QTMAN: variants seen among roughly 807,000 people sequenced by gnomAD.
QTMAN encodes tRNA-queuosine alpha-mannosyltransferase.
chr2:144,201,134 T>C, the QTMAN span, among the ~76,000 whole-genome samples: 1 of 152,120 alleles, frequency 6.6e-6, no homozygotes, highest in Admixed American at 6.6e-5. Flanking sequence ...ACAGGTTATA[T>C]AAAATGTTAT....
At chr2:144,255,763 C>G in the QTMAN span, among the ~76,000 whole-genome samples, 1 of 152,180 alleles carries the variant, frequency 6.6e-6, no homozygotes. Context: ...TTGTATGATA[C>G]CACAAGGGTG....
chr2:144,146,159 A>G, the QTMAN span, among the ~76,000 whole-genome samples: 2 of 149,902 alleles, frequency 1.3e-5, no homozygotes, highest in Admixed American at 6.7e-5. Flanking sequence ...CTGAAATTCA[A>G]TGTATGAGCA....
chr2:144,228,860 A>C, the QTMAN span, among the ~76,000 whole-genome samples: 2 of 152,256 alleles, frequency 1.3e-5, no homozygotes, highest in African/African-American at 4.8e-5. Flanking sequence ...CATGAGGCTG[A>C]GTCAAGAGAA....
chr2:144,061,792 C>T, the QTMAN span, among the ~76,000 whole-genome samples: 22 of 152,200 alleles, frequency 1.4e-4, no homozygotes, highest in African/African-American at 5.1e-4. Flanking sequence ...CATATAAACC[C>T]CAAACCCCAG....
At chr2:144,202,399 T>A in the QTMAN span, among the ~76,000 whole-genome samples, 3 of 152,190 alleles carry the variant, frequency 2.0e-5, no homozygotes, top group Non-Finnish European at 4.4e-5. Context: ...ATTAAATACA[T>A]CTTTTATTTT....
chr2:144,181,199 A>G, the QTMAN span, among the ~76,000 whole-genome samples: 1 of 152,218 alleles, frequency 6.6e-6, no homozygotes, highest in Non-Finnish European at 1.5e-5. Context: ...CTGCAACAGG[A>G]GTCCAGCTTA....
chr2:144,084,562 C>A, the QTMAN span, among the ~76,000 whole-genome samples: 4 of 152,182 alleles, frequency 2.6e-5, no homozygotes, highest in African/African-American at 9.7e-5. Flanking sequence ...TGAATCAGAA[C>A]CCATGATGCT....
At chr2:144,101,360 C>T in the QTMAN span, among the ~76,000 whole-genome samples, 2 of 151,274 alleles carry the variant, frequency 1.3e-5, no homozygotes, top group Non-Finnish European at 2.9e-5. Context: ...CAGTAATATC[C>T]AACATATTTA....
chr2:144,125,232 G>T, the QTMAN span, among the ~76,000 whole-genome samples: 3 of 151,866 alleles, frequency 2.0e-5, no homozygotes, highest in African/African-American at 7.3e-5. Flanking sequence ...TTTTTTAAAA[G>T]AAGGCTTTTT....
At chr2:143,979,642 T>C in the QTMAN span, among the ~76,000 whole-genome samples, 2 of 152,336 alleles carry the variant, frequency 1.3e-5, no homozygotes, top group East Asian at 3.9e-4. Context: ...CCTCATTTTA[T>C]AAACGAGATC....
At chr2:144,307,159 T>TAAAAAA in the QTMAN span, among the ~76,000 whole-genome samples, 1 of 40,466 alleles carries the variant, frequency 2.5e-5, no homozygotes, top group Non-Finnish European at 4.0e-5. Context: ...GACTCCGTCT[T>TAAAAAA]AAAAAAAAAA....
the QTMAN span, chr2:143,944,099 G>A: frequency 1.3e-5 from 2 of 152,170 alleles, no homozygotes; most frequent in Admixed American, 6.5e-5. Flanking sequence ...TGATGGGGGT[G>A]GTTGATAAGG....
the QTMAN span, among the ~76,000 whole-genome samples, chr2:144,123,892 G>A: frequency 6.6e-6 from 1 of 152,002 alleles, no homozygotes; most frequent in Admixed American, 6.6e-5. Flanking sequence ...CAAAGATATA[G>A]GATCTAGAAT....
chr2:143,948,026 CA>C, the QTMAN span, among the ~76,000 whole-genome samples: 1 of 152,064 alleles, frequency 6.6e-6, no homozygotes, highest in South Asian at 2.1e-4. Flanking sequence ...ACATCACAAA[CA>C]TTTCATGTTT....
At chr2:144,094,167 T>A in the QTMAN span, among the ~76,000 whole-genome samples, 1 of 152,178 alleles carries the variant, frequency 6.6e-6, no homozygotes, top group Non-Finnish European at 1.5e-5. Context: ...TTTGGTTTAG[T>A]TTTTCAAAAA....
chr2:144,293,926 T>A, the QTMAN span, among the ~76,000 whole-genome samples: 107 of 152,338 alleles, frequency 7.0e-4, no homozygotes, highest in African/African-American at 2.5e-3. Context: ...CATCTCTTAA[T>A]GGACTACACA....
chr2:144,141,939 A>T, the QTMAN span: 2 of 1,611,792 alleles, frequency 1.2e-6, no homozygotes, highest in Non-Finnish European at 1.7e-6. Context: ...GGGTCTGATG[A>T]TGCTTTCCAG....
At chr2:144,010,847 G>C in the QTMAN span, among the ~76,000 whole-genome samples, 3 of 152,030 alleles carry the variant, frequency 2.0e-5, no homozygotes, top group African/African-American at 7.2e-5. Context: ...TTGGTACAAG[G>C]GGGTATAACC....
chr2:144,145,907 T>C, the QTMAN span: 1 of 337,486 alleles, frequency 3.0e-6, no homozygotes, highest in African/African-American at 2.2e-5. Flanking sequence ...AGTTTTGATC[T>C]CTTAAAAAGC....
Sources: allele counts gnomAD v4.1 joint callset (sites outside exome capture counted in the v4.1 genomes callset), GRCh38; gene constraint gnomAD v4.1.1; transcripts MANE v1.5; gene names NCBI Gene and HGNC (gene_info 2026-07-23, HGNC 2026-07-21).